Variants in NALCN observed in about 807,000 individuals in gnomAD.
NALCN encodes the protein sodium leak channel, non-selective.
A neutral mutation model predicts 225.3 loss-of-function variants in NALCN; 111 were observed. The ratio of observed to expected loss-of-function variants is 0.49; its 90% CI spans 0.42 to 0.58. The LOEUF (loss-of-function observed/expected upper bound fraction) is 0.58. Ranked by LOEUF, NALCN falls within the 20% of genes least tolerant of loss-of-function variation. The pLI, the probability that NALCN is intolerant of heterozygous loss-of-function variation, is 0.00. For missense variants in NALCN, 1,378 were observed against 2,202.4 expected (o/e 0.63, Z 7.49); for synonymous variants, 764 against 769.0 (o/e 0.99, Z 0.11).
At chr13:101,388,916 G>T (rs2047065768) in intron 3 of NALCN, among the ~76,000 whole-genome samples, 1 of 152,188 alleles carries the variant, frequency 6.6e-6, no homozygotes, top group Admixed American at 6.5e-5. Flanking sequence ...CTACACACAA[G>T]TGACAGGGCC....
chr13:101,397,092 A>AAT (rs2047322826), intron 2 of NALCN, among the ~76,000 whole-genome samples: 1 of 74,040 alleles, frequency 1.4e-5, no homozygotes, highest in African/African-American at 7.3e-5. Context: ...ATATATATAT[A>AAT]TATATATATA....
intron 26 of NALCN, among the ~76,000 whole-genome samples, chr13:101,101,631 GCTGTCTTGTAA>G (rs549412791): frequency 2.4e-4 from 37 of 152,258 alleles, no homozygotes; most frequent in African/African-American, 8.2e-4. Context: ...CAGTGGCTTA[GCTGTCTTGTAA>G]CTGTGAAGGT....
At chr13:101,377,482 T>C (rs2046727173) in intron 4 of NALCN, among the ~76,000 whole-genome samples, 1 of 152,150 alleles carries the variant, frequency 6.6e-6, no homozygotes, top group Admixed American at 6.5e-5. Flanking sequence ...TAATTTGAAA[T>C]GTTTGTCAAT....
At chr13:101,070,970 G>A (rs145190340) in intron 37 of NALCN, among the ~76,000 whole-genome samples, 1 of 152,288 alleles carries the variant, frequency 6.6e-6, no homozygotes, top group Non-Finnish European at 1.5e-5. Context: ...GTGGCAGCAA[G>A]AAGTGCCAAG....
rs762153298 is a variant in NALCN, at chr13:101,175,259, GT to G, written c.1839+1040del. 4.8e-3 allele frequency among the ~76,000 whole-genome samples: 698 copies of G among 144,612 alleles called. 6 individuals carry two copies. The highest frequency in any genetic ancestry group is 0.013 in the African/African-American group (523 of 39,652). 94.9% of individuals were successfully genotyped at this position (144,612 alleles called of 152,430 possible). On this transcript the variant is annotated intron_variant, in intron 15 of 43. Transcript: ENST00000251127. ...CAATTTTTTTTTGTTTGTTTGTTCT[GT>G]TTTTTTTTTTCCTTGTTGATACCCT... is the stretch of plus-strand genomic sequence containing the variant.
At chr13:101,143,410 A>G (rs1053716355) in intron 16 of NALCN, among the ~76,000 whole-genome samples, 189 bp from the exon 17 acceptor site, 4 of 152,204 alleles carry the variant, frequency 2.6e-5, no homozygotes, top group Non-Finnish European at 5.9e-5. Context: ...TTAAAAAGCA[A>G]TATCCTTGAA....
intron 2 of NALCN, among the ~76,000 whole-genome samples, chr13:101,398,793 G>A (rs79565788): frequency 0.024 from 3,602 of 152,164 alleles, 68 homozygotes; most frequent in Middle Eastern, 0.048. Context: ...TGCACAGCGT[G>A]GGGAGGGGAG....
chr13:101,145,629 G>A (rs1483589729), intron 15 of NALCN, among the ~76,000 whole-genome samples: 1 of 152,206 alleles, frequency 6.6e-6, no homozygotes, highest in Non-Finnish European at 1.5e-5. Flanking sequence ...AAGGTGGACT[G>A]TGGCTTCCAG....
At chr13:101,297,663 C>T (rs111607958) in intron 7 of NALCN, among the ~76,000 whole-genome samples, 1 of 152,182 alleles carries the variant, frequency 6.6e-6, no homozygotes, top group African/African-American at 2.4e-5. Flanking sequence ...CCTTGCACCC[C>T]CTTTGCGTGA....
intron 6 of NALCN, among the ~76,000 whole-genome samples, chr13:101,359,195 T>G (rs1042966823): frequency 6.6e-6 from 1 of 151,732 alleles, no homozygotes; most frequent in South Asian, 2.1e-4. Flanking sequence ...AAAGTAAAAA[T>G]TTTTTAAAAA....
chr13:101,205,981 A>T (rs2040297496), intron 13 of NALCN, among the ~76,000 whole-genome samples: 1 of 152,078 alleles, frequency 6.6e-6, no homozygotes, highest in Non-Finnish European at 1.5e-5. Context: ...TAATATTTTT[A>T]TATTTAGCTT....
At chr13:101,340,264 T>C (rs1274064253) in intron 7 of NALCN, among the ~76,000 whole-genome samples, 1 of 143,632 alleles carries the variant, frequency 7.0e-6, no homozygotes, top group Non-Finnish European at 1.5e-5. Flanking sequence ...CGAGACTCCA[T>C]CTCAAACAAA....
chr13:101,144,052 T>C (rs2037221839), intron 16 of NALCN, among the ~76,000 whole-genome samples: 1 of 152,234 alleles, frequency 6.6e-6, no homozygotes, highest in African/African-American at 2.4e-5. Context: ...TATAGTCTCA[T>C]ACTTTTATAA....
intron 7 of NALCN, among the ~76,000 whole-genome samples, chr13:101,339,099 C>T (rs1339706176): frequency 6.6e-6 from 1 of 152,134 alleles, no homozygotes; most frequent in Non-Finnish European, 1.5e-5. Context: ...CAAGTGGGAA[C>T]AGCGGAAGTA....
chr13:101,267,884 T>C (rs1457836398), intron 10 of NALCN, among the ~76,000 whole-genome samples: 4 of 152,196 alleles, frequency 2.6e-5, no homozygotes, highest in Non-Finnish European at 5.9e-5. Flanking sequence ...CAAAAGCTAT[T>C]ATACCTACCA....
At chr13:101,307,132 A>G (rs2044178976) in intron 7 of NALCN, among the ~76,000 whole-genome samples, 1 of 152,140 alleles carries the variant, frequency 6.6e-6, no homozygotes, top group South Asian at 2.1e-4. Context: ...TCCTGCTACT[A>G]TTATGGAGAT....
chr13:101,058,307 G>A (rs1382813061), intron 42 of NALCN: 4 of 428,274 alleles, frequency 9.3e-6, no homozygotes, highest in Admixed American at 8.0e-5. Flanking sequence ...CCACTGCTTC[G>A]TTCCCCTCCA....
At chr13:101,090,894 T>C (rs2034198640) in intron 28 of NALCN, among the ~76,000 whole-genome samples, 1 of 152,206 alleles carries the variant, frequency 6.6e-6, no homozygotes, top group Non-Finnish European at 1.5e-5. Context: ...AAGTCCCCGC[T>C]GTCCAGAGTT....
At chr13:101,080,109 C>A (rs957482714) in intron 34 of NALCN, among the ~76,000 whole-genome samples, 5 of 151,900 alleles carry the variant, frequency 3.3e-5, no homozygotes, top group Non-Finnish European at 5.9e-5. Flanking sequence ...CTTCATAATG[C>A]CAGAGGGAAT....
Sources: allele counts gnomAD v4.1 joint callset (sites outside exome capture counted in the v4.1 genomes callset), GRCh38; gene constraint gnomAD v4.1.1; transcripts MANE v1.5; gene names NCBI Gene and HGNC (gene_info 2026-07-23, HGNC 2026-07-21).